The following ROBO1 variants were observed in gnomAD, a reference collection of about 807,000 sequenced individuals.
ROBO1 encodes roundabout homolog 1.
Under a neutral mutation model 195.9 loss-of-function variants are expected in ROBO1, and 149 were observed. The ratio of observed to expected loss-of-function variants is 0.76; its 90% CI spans 0.67 to 0.87. The LOEUF is 0.87. ROBO1 is among the 40% of genes least tolerant of loss of function. The pLI is 0.00. For synonymous variants in ROBO1, 816 were observed against 733.2 expected, an observed-to-expected ratio of 1.11 and a Z score of -1.82; for missense variants, 1,933 against 2,068.3, an observed-to-expected ratio of 0.93 and a Z score of 1.27.
At chr3:79,276,906 A>C (rs2031083050) in intron 2 of ROBO1, among the ~76,000 whole-genome samples, 3 of 152,096 alleles carry the variant, frequency 2.0e-5, no homozygotes, top group Non-Finnish European at 4.4e-5. Flanking sequence ...GCAAATCAAA[A>C]ATACAGTGAG....
At chr3:79,546,225 G>A (rs1942259769) in intron 2 of ROBO1, among the ~76,000 whole-genome samples, 2 of 151,792 alleles carry the variant, frequency 1.3e-5, no homozygotes, top group Admixed American at 1.3e-4. Context: ...CAAAAATACA[G>A]CATATAATAC....
At chr3:79,312,810 A>G (rs1030216805) in intron 2 of ROBO1, among the ~76,000 whole-genome samples, 1 of 152,216 alleles carries the variant, frequency 6.6e-6, no homozygotes, top group Non-Finnish European at 1.5e-5. Flanking sequence ...GGATGAAAAA[A>G]AATAACAGAA....
At chr3:78,633,849 C>T (rs1240237043) in intron 24 of ROBO1, 86 bp downstream of exon 24, 2 of 788,724 alleles carry the variant, frequency 2.5e-6, no homozygotes, top group African/African-American at 3.5e-5. Flanking sequence ...ATGTCACCTA[C>T]ATACGTCAGT....
intron 2 of ROBO1, among the ~76,000 whole-genome samples, chr3:79,274,805 G>GC: frequency 6.6e-6 from 1 of 151,970 alleles, no homozygotes; most frequent in East Asian, 1.9e-4. Context: ...AGGAAACATT[G>GC]CAACAAATAC....
At chr3:78,957,992 C>G (rs771085277) in intron 3 of ROBO1, among the ~76,000 whole-genome samples, 1 of 152,086 alleles carries the variant, frequency 6.6e-6, no homozygotes, top group Non-Finnish European at 1.5e-5. Context: ...TAGCTTTCTG[C>G]TAGCACAGAA....
intron 3 of ROBO1, among the ~76,000 whole-genome samples, chr3:79,046,892 ATAATGTT>A (rs2078604983): frequency 6.6e-6 from 1 of 152,120 alleles, no homozygotes; most frequent in African/African-American, 2.4e-5. Flanking sequence ...GTTCTTTGAG[ATAATGTT>A]TGTTATAAGC....
intron 3 of ROBO1, among the ~76,000 whole-genome samples, chr3:79,088,373 G>T (rs2079413561): frequency 6.6e-6 from 1 of 152,132 alleles, no homozygotes; most frequent in South Asian, 2.1e-4. Flanking sequence ...AATGTAGAAT[G>T]ATTTAAAGCT....
chr3:79,402,275 C>A (rs1345244805), intron 2 of ROBO1, among the ~76,000 whole-genome samples: 1 of 151,846 alleles, frequency 6.6e-6, no homozygotes, highest in Non-Finnish European at 1.5e-5. Context: ...TTTTATCAAC[C>A]TGCCTGTTGG....
chr3:79,447,685 A>G (rs1038840612), intron 2 of ROBO1, among the ~76,000 whole-genome samples: 2 of 151,236 alleles, frequency 1.3e-5, no homozygotes, highest in African/African-American at 4.9e-5. Flanking sequence ...AAAGTGTCAA[A>G]ACTAGTCGCT....
At chr3:79,683,576 C>A in intron 1 of ROBO1, among the ~76,000 whole-genome samples, 1 of 152,180 alleles carries the variant, frequency 6.6e-6, no homozygotes, top group South Asian at 2.1e-4. Flanking sequence ...AACAAACAAA[C>A]AAACATGCCC....
chr3:79,047,400 A>G (rs2078614713), intron 3 of ROBO1, among the ~76,000 whole-genome samples: 1 of 152,134 alleles, frequency 6.6e-6, no homozygotes, highest in Non-Finnish European at 1.5e-5. Flanking sequence ...ACTTTTGAAA[A>G]TGCTCAGCTT....
At chr3:79,213,629 C>T (rs1158231598) in intron 2 of ROBO1, among the ~76,000 whole-genome samples, 1 of 151,964 alleles carries the variant, frequency 6.6e-6, no homozygotes, top group Non-Finnish European at 1.5e-5. Flanking sequence ...TTTTCTGATG[C>T]CTTCAGAAAT....
At chr3:78,895,578 A>G (rs192963143) in intron 4 of ROBO1, among the ~76,000 whole-genome samples, 9 of 152,318 alleles carry the variant, frequency 5.9e-5, no homozygotes, top group Non-Finnish European at 1.0e-4. Context: ...CTCTTATTTA[A>G]CTGGATGACC....
chr3:79,702,541 C>T (rs1046260962), intron 1 of ROBO1, among the ~76,000 whole-genome samples: 1 of 152,018 alleles, frequency 6.6e-6, no homozygotes, highest in South Asian at 2.1e-4. Flanking sequence ...AATAACAATT[C>T]CATTCCTTCC....
chr3:79,353,967 C>T (rs760777215), intron 2 of ROBO1, among the ~76,000 whole-genome samples: 13 of 151,974 alleles, frequency 8.6e-5, no homozygotes, highest in Non-Finnish European at 1.5e-4. Context: ...ATCACTTGAA[C>T]CCGGGAGGTG....
chr3:79,749,844 C>A (rs2107469581), intron 1 of ROBO1, among the ~76,000 whole-genome samples: 1 of 152,346 alleles, frequency 6.6e-6, no homozygotes, highest in South Asian at 2.1e-4. Flanking sequence ...CATGGAGAAA[C>A]ACTGCTAGGG....
intron 1 of ROBO1, among the ~76,000 whole-genome samples, chr3:79,652,923 A>C (rs1288072892): frequency 5.3e-5 from 8 of 151,916 alleles, no homozygotes; most frequent in Non-Finnish European, 1.5e-5. Flanking sequence ...ATTCTACTTA[A>C]AGAAAAGAAT....
intron 2 of ROBO1, among the ~76,000 whole-genome samples, chr3:79,209,287 C>T (rs1371017177): frequency 6.6e-6 from 1 of 152,132 alleles, no homozygotes; most frequent in African/African-American, 2.4e-5. Flanking sequence ...ATAATGCCTC[C>T]AACTCCATCC....
chr3:78,735,308 A>G (rs1170501395), intron 5 of ROBO1, among the ~76,000 whole-genome samples: 3 of 152,182 alleles, frequency 2.0e-5, no homozygotes, highest in South Asian at 2.1e-4. Context: ...TTTGATTCTC[A>G]TAAGGATCCT....
Sources: gnomAD v4.1 joint callset for allele counts (sites outside exome capture counted in the v4.1 genomes callset) on GRCh38, gnomAD v4.1.1 for gene constraint, MANE v1.5 for transcripts, NCBI Gene and HGNC (gene_info 2026-07-23, HGNC 2026-07-21) for gene names.